GRIN2B: variants seen among roughly 807,000 people sequenced by gnomAD.
GRIN2B encodes glutamate ionotropic receptor NMDA type subunit 2B.
Under a neutral mutation model 114.5 loss-of-function variants are expected in GRIN2B, and 5 were observed. The ratio of observed to expected loss-of-function variants is 0.04; its 90% CI spans 0.02 to 0.09. The LOEUF (loss-of-function observed/expected upper bound fraction) is 0.09, where lower values mean the gene tolerates loss of function less well. Ranked by LOEUF, GRIN2B falls within the 10% of genes least tolerant of loss-of-function variation. The pLI is 1.00. For synonymous variants in GRIN2B, 787 were observed against 745.1 expected, an observed-to-expected ratio of 1.06 and a Z score of -0.92; for missense variants, 1,108 against 1,943.5, an observed-to-expected ratio of 0.57 and a Z score of 8.08.
In GRIN2B at chr12:13,922,307, G is replaced by T. The variant is rs142027797; in HGVS notation, c.-18-56081C>A. ...GAGTGGCAGATAGCAGGGTGCCCTG[G>T]GTGTCTGAGCTCAAACCCCCGCTTC... On this transcript the variant is annotated intron_variant, in intron 2 of 13. Transcript: ENST00000609686. 1.8e-3 allele frequency among the ~76,000 whole-genome samples: 269 copies of T among 152,210 alleles called. 1 individual carries two copies. Among genetic ancestry groups the T allele is most frequent in the African/African-American group, 6.2e-3 (257 of 41,522 alleles).
At chr12:13,937,433 G>A (rs889903238) in intron 2 of GRIN2B, among the ~76,000 whole-genome samples, 32 of 151,488 alleles carry the variant, frequency 2.1e-4, no homozygotes, top group Admixed American at 1.1e-3. Flanking sequence ...ATTAAGTACA[G>A]GGAAACAAGG....
Position 13,541,163 on chromosome 12 carries a change from T to C in GRIN2B, c.*21620A>G, listed in dbSNP as rs1347081724. 6.6e-6 allele frequency: 1 copy of C among 152,210 alleles called. No individual in the cohort carries two copies. Among genetic ancestry groups the C allele is most frequent in the Non-Finnish European group, 1.5e-5 (1 of 68,042 alleles). The allele number at this position is 152,210 out of a possible 1,614,324, so 9.4% of individuals were successfully genotyped here. A position where few individuals can be genotyped will look rare whatever the true frequency, so the allele number is the denominator to read the frequency against. On this transcript the variant is annotated 3_prime_UTR_variant, in exon 14 of 14. Transcript: ENST00000609686. ...CTAGGGACAAGAGCTCACTGCCCCA[T>C]CCCTTCTCTGATCTCCACTGTAACA...
chr12:13,935,593 C>A (rs917210263), intron 2 of GRIN2B, among the ~76,000 whole-genome samples: 2 of 152,302 alleles, frequency 1.3e-5, no homozygotes, highest in South Asian at 4.1e-4. Context: ...GCCCCTTATG[C>A]ATCTGTTTCC....
Position 13,564,645 on chromosome 12 carries a change from G to A in GRIN2B, c.2599-6C>T. ...TGGATGCAGCTGTAGATACCCTGAA[G>A]CAAGAATGGAGGGACAGGTTAGATC... On this transcript the variant is annotated splice_region_variant and splice_polypyrimidine_tract_variant and intron_variant, in intron 13 of 13. Transcript: ENST00000609686. This position sits in a 1 kb window ranked among gnomAD's most constrained non-coding sequence, Gnocchi z 4.8. The A allele has an allele frequency of 6.2e-7, 1 of 1,613,044 alleles. No homozygotes were observed. The highest frequency in any genetic ancestry group is 1.3e-5 in the African/African-American group (1 of 75,030).
At chr12:13,852,100 G>A (rs1457293838) in intron 3 of GRIN2B, among the ~76,000 whole-genome samples, 3 of 152,196 alleles carry the variant, frequency 2.0e-5, no homozygotes, top group Admixed American at 1.3e-4. Context: ...CCCAAGACAC[G>A]TGGTGGCAGG....
chr12:13,718,037 T>C (rs1349446057), intron 4 of GRIN2B, among the ~76,000 whole-genome samples: 1 of 152,060 alleles, frequency 6.6e-6, no homozygotes, highest in Non-Finnish European at 1.5e-5. Flanking sequence ...TCTATAATGA[T>C]GATTCATTCC....
At chr12:13,936,008 C>T (rs1000041488) in intron 2 of GRIN2B, among the ~76,000 whole-genome samples, 1 of 152,104 alleles carries the variant, frequency 6.6e-6, no homozygotes, top group African/African-American at 2.4e-5. Flanking sequence ...CTGCACTGTG[C>T]TGAGGAGGCA....
chr12:13,914,293 G>T (rs1480219204), intron 2 of GRIN2B, among the ~76,000 whole-genome samples: 1 of 152,046 alleles, frequency 6.6e-6, no homozygotes, highest in Non-Finnish European at 1.5e-5. Context: ...GTTCCAGCTT[G>T]CACCCTTTTC....
chr12:13,660,535 T>C (rs1949911565), intron 5 of GRIN2B, among the ~76,000 whole-genome samples: 1 of 152,146 alleles, frequency 6.6e-6, no homozygotes, highest in African/African-American at 2.4e-5. Context: ...TCGTGGACTT[T>C]GAGAATCTGC....
intron 4 of GRIN2B, among the ~76,000 whole-genome samples, chr12:13,720,166 TG>T (rs1160480478): frequency 6.6e-6 from 1 of 152,012 alleles, no homozygotes; most frequent in East Asian, 1.9e-4. Context: ...AAGCTTCTCA[TG>T]TGGATAATCC....
intron 10 of GRIN2B, among the ~76,000 whole-genome samples, chr12:13,600,995 G>C (rs886435712): frequency 6.6e-6 from 1 of 152,192 alleles, no homozygotes; most frequent in African/African-American, 2.4e-5. Context: ...GCAAAGGAGA[G>C]GGGAACTGAA....
intron 4 of GRIN2B, among the ~76,000 whole-genome samples, chr12:13,744,891 T>C (rs1463152062): frequency 1.3e-5 from 2 of 152,064 alleles, no homozygotes; most frequent in Admixed American, 6.5e-5. Flanking sequence ...CTGCCACATA[T>C]CTTCCTTGGC....
chr12:13,616,881 C>A (rs1249325857), intron 5 of GRIN2B, among the ~76,000 whole-genome samples: 2 of 152,306 alleles, frequency 1.3e-5, no homozygotes, highest in East Asian at 3.9e-4. Flanking sequence ...ACTCACTTAC[C>A]AAACATTAAA....
At chr12:13,829,051 C>A (rs1271963233) in intron 3 of GRIN2B, among the ~76,000 whole-genome samples, 1 of 152,260 alleles carries the variant, frequency 6.6e-6, no homozygotes, top group East Asian at 1.9e-4. Flanking sequence ...TGCTGTTAAC[C>A]CTTCCTAGGG....
Position 13,615,369 on chromosome 12 carries a change from C to T in GRIN2B, c.1501-102G>A, listed in dbSNP as rs1805532. 7.1e-7 allele frequency: 1 copy of T among 1,416,176 alleles called. No homozygotes were observed. 87.7% of individuals were successfully genotyped at this position (1,416,176 alleles called of 1,614,324 possible). ...AGTGGTTTTCTTTGTATAGTGGGAA[C>T]AATACATCTTATTTGCCATTTTATA... On this transcript the variant is annotated intron_variant, in intron 7 of 13. Coordinates refer to ENST00000609686, the MANE Select transcript of GRIN2B (RefSeq NM_000834.5). The surrounding 1 kb of genome is among the most constrained non-coding windows in gnomAD (Gnocchi z 5.8).
intron 4 of GRIN2B, among the ~76,000 whole-genome samples, chr12:13,696,410 A>G (rs956549182): frequency 1.3e-5 from 2 of 152,158 alleles, no homozygotes. Context: ...TCTCTTTTGC[A>G]TGGTGGGATA....
chr12:13,902,469 A>G (rs1396992533), intron 2 of GRIN2B, among the ~76,000 whole-genome samples: 1 of 152,192 alleles, frequency 6.6e-6, no homozygotes, highest in Non-Finnish European at 1.5e-5. Context: ...AAAACAAAAA[A>G]CTAAGGATTA....
Position 13,564,739 on chromosome 12 carries a change from A to G in GRIN2B, c.2599-100T>C. The stretch of plus-strand genomic sequence containing the variant: ...ATAATTGCTCCAACTGGATAAGAAA[A>G]AGGGAAAGCATGAAGCGAATAGTCT... On this transcript the variant is annotated intron_variant, in intron 13 of 13. Coordinates refer to ENST00000609686, the MANE Select transcript of GRIN2B (RefSeq NM_000834.5). This position sits in a 1 kb window ranked among gnomAD's most constrained non-coding sequence, Gnocchi z 4.8. The G allele has an allele frequency of 9.4e-7, 1 of 1,066,346 alleles. No homozygotes were observed. The highest frequency in any genetic ancestry group is 1.5e-5 in the African/African-American group (1 of 64,896). 66.1% of individuals were successfully genotyped at this position (1,066,346 alleles called of 1,614,324 possible).
At position 13,545,709 on chromosome 12, in the gene GRIN2B, G is replaced by A. The variant is rs541276505; in HGVS notation, c.*17074C>T. On this transcript the variant is annotated 3_prime_UTR_variant, in exon 14 of 14. Transcript: ENST00000609686. ...TAATAGGTAAGAAAAAAGTTACTCC[G>A]AGTTTCATTAATCTATGGCACTTTG... 2.6e-4 allele frequency: 39 copies of A among 152,210 alleles called. No homozygotes were observed. The highest frequency in any genetic ancestry group is 9.4e-4 in the African/African-American group (39 of 41,530). 9.4% of individuals were successfully genotyped at this position (152,210 alleles called of 1,614,324 possible).
Sources: gnomAD v4.1 joint callset for allele counts (sites outside exome capture counted in the v4.1 genomes callset) on GRCh38, gnomAD v4.1.1 for gene constraint, Gnocchi (gnomAD v3.1) non-coding constraint, MANE v1.5 for transcripts, NCBI Gene and HGNC (gene_info 2026-07-23, HGNC 2026-07-21) for gene names.